ASIC2: variants seen among roughly 807,000 people sequenced by gnomAD.
ASIC2 encodes the protein acid sensing ion channel subunit 2.
ASIC2 carries 25 observed loss-of-function variants against 57.3 expected under a neutral mutation model. The ratio of observed to expected loss-of-function variants is 0.44; its 90% CI spans 0.32 to 0.61. The LOEUF (loss-of-function observed/expected upper bound fraction) is 0.61, where lower values mean the gene tolerates loss of function less well. Among genes scored for constraint, ASIC2 ranks in the 20% least tolerant of loss-of-function variants. ASIC2 has a pLI of 0.06. For missense variants in ASIC2, 641 were observed against 738.1 expected (o/e 0.87, Z 1.52); for synonymous variants, 319 against 307.5 (o/e 1.04, Z -0.39).
At chr17:33,930,846 G>A (rs1017863413) in intron 1 of ASIC2, among the ~76,000 whole-genome samples, 1 of 152,142 alleles carries the variant, frequency 6.6e-6, no homozygotes, top group African/African-American at 2.4e-5. Flanking sequence ...GGGAGAGCCG[G>A]GGCCCAGATT....
At chr17:33,294,282 G>A (rs941604680), upstream of ASIC2, among the ~76,000 whole-genome samples, 1 of 152,204 alleles carries the variant, frequency 6.6e-6, no homozygotes, top group Non-Finnish European at 1.5e-5. Context: ...CCAAGGGTGG[G>A]AGGATGCTCC....
chr17:33,583,513 C>A (rs1035439527), intron 1 of ASIC2, among the ~76,000 whole-genome samples: 1 of 152,182 alleles, frequency 6.6e-6, no homozygotes, highest in African/African-American at 2.4e-5. Flanking sequence ...CATGACCTTC[C>A]TTCCAGAACA....
At position 33,768,487 on chromosome 17, in the gene ASIC2, G is replaced by T. The variant is rs549312697; in HGVS notation, c.555+387491C>A. Among the ~76,000 whole-genome samples the T allele has an allele frequency of 2.0e-5, 3 of 152,292 alleles. No individual in the cohort carries two copies. In the South Asian group the frequency reaches 6.2e-4, roughly 32 times the overall value. ...TATAAATGGGCCTCAAGCTGAGGAG[G>T]TGTGATGGTTTAGAGAGAGGCTGGC... On this transcript the variant is annotated intron_variant, in intron 1 of 9. Coordinates refer to the ASIC2 transcript ENST00000359872.
At chr17:33,576,124 G>C (rs1182468374) in intron 1 of ASIC2, among the ~76,000 whole-genome samples, 1 of 152,150 alleles carries the variant, frequency 6.6e-6, no homozygotes, top group East Asian at 1.9e-4. Flanking sequence ...TTAGAAGTCC[G>C]CCTAGACCAG....
intron 1 of ASIC2, among the ~76,000 whole-genome samples, chr17:33,466,447 G>A (rs188396306): frequency 3.3e-5 from 5 of 151,964 alleles, no homozygotes; most frequent in East Asian, 1.9e-4. Flanking sequence ...TGCCATCCCC[G>A]TCAAGCCACC....
At chr17:33,509,260 G>C (rs988118842) in intron 1 of ASIC2, among the ~76,000 whole-genome samples, 54 of 152,112 alleles carry the variant, frequency 3.6e-4, no homozygotes, top group Non-Finnish European at 1.9e-4. Context: ...GTAGGTAATG[G>C]GGACCATTTA....
At chr17:33,948,843 G>A (rs772101810) in intron 1 of ASIC2, among the ~76,000 whole-genome samples, 5 of 152,228 alleles carry the variant, frequency 3.3e-5, no homozygotes, top group African/African-American at 7.2e-5. Flanking sequence ...GGAGGATGAA[G>A]AAGAAGGCAA....
At chr17:33,799,411 CTT>C in intron 1 of ASIC2, among the ~76,000 whole-genome samples, 1 of 61,242 alleles carries the variant, frequency 1.6e-5, no homozygotes, top group South Asian at 4.4e-4. Flanking sequence ...TCTTTTCTTT[CTT>C]TCTTTCTTTC....
chr17:33,059,133 G>A (rs1358148930), intron 3 of ASIC2, among the ~76,000 whole-genome samples: 1 of 151,988 alleles, frequency 6.6e-6, no homozygotes, highest in East Asian at 1.9e-4. Flanking sequence ...CTGTTTTGAA[G>A]TATTAAACTC....
At chr17:33,043,022 G>A (rs1039019377) in intron 3 of ASIC2, among the ~76,000 whole-genome samples, 1 of 150,836 alleles carries the variant, frequency 6.6e-6, no homozygotes, top group Non-Finnish European at 1.5e-5. Context: ...CGCCTCCCAG[G>A]TTCATGCCAT....
chr17:33,865,774 A>AAC (rs1567739121), intron 1 of ASIC2, among the ~76,000 whole-genome samples: 100 of 94,400 alleles, frequency 1.1e-3, no homozygotes, highest in Non-Finnish European at 1.7e-3. Context: ...AAAAAAAACA[A>AAC]AAAAAAAAAC....
chr17:34,077,846 C>T (rs752298806), intron 1 of ASIC2, among the ~76,000 whole-genome samples: 20 of 152,158 alleles, frequency 1.3e-4, no homozygotes, highest in Non-Finnish European at 2.8e-4. Flanking sequence ...GGCCACATCA[C>T]AGCCGAAAAG....
chr17:33,097,959 G>T (rs2092190439), intron 2 of ASIC2, among the ~76,000 whole-genome samples: 1 of 152,152 alleles, frequency 6.6e-6, no homozygotes, highest in South Asian at 2.1e-4. Context: ...GAAAACACGG[G>T]CTCTGAAATC....
At chr17:33,585,019 C>T (rs1019736951) in intron 1 of ASIC2, among the ~76,000 whole-genome samples, 1 of 152,154 alleles carries the variant, frequency 6.6e-6, no homozygotes. Flanking sequence ...TTTTGGGGCC[C>T]TCACTTGCCA....
chr17:34,144,351 C>T (rs960950499), intron 1 of ASIC2, among the ~76,000 whole-genome samples: 1 of 152,108 alleles, frequency 6.6e-6, no homozygotes, highest in Non-Finnish European at 1.5e-5. Context: ...GTAGCTTAGG[C>T]TCAACTATAA....
At position 33,880,432 on chromosome 17, in the gene ASIC2, C is replaced by T. The variant is rs369812652; in HGVS notation, c.555+275546G>A. Among the ~76,000 whole-genome samples, 14 of 152,306 alleles carry T rather than the reference C, an allele frequency of 9.2e-5. No homozygotes were observed. In the South Asian group the frequency reaches 2.5e-3, roughly 27 times the overall value. ...AAAAATAATAAAGGGGATATCACCACTGATCCCGCAGAAATATAAACTACC... is the reference window on the plus strand; with the variant it reads ...AAAAATAATAAAGGGGATATCACCATTGATCCCGCAGAAATATAAACTACC... On this transcript the variant is annotated intron_variant, in intron 1 of 9. Coordinates refer to the ASIC2 transcript ENST00000359872.
intron 1 of ASIC2, among the ~76,000 whole-genome samples, chr17:34,088,241 G>A (rs897972368): frequency 2.6e-5 from 4 of 152,322 alleles, no homozygotes; most frequent in African/African-American, 9.6e-5. Flanking sequence ...CTTTCTGTTT[G>A]TTAGTTTTCC....
intron 1 of ASIC2, among the ~76,000 whole-genome samples, chr17:33,387,592 C>G (rs866036709): frequency 6.6e-6 from 1 of 152,166 alleles, no homozygotes; most frequent in African/African-American, 2.4e-5. Context: ...TCCGCTGCCC[C>G]GAAACAAATC....
chr17:33,706,363 G>C (rs1179307509), intron 1 of ASIC2, among the ~76,000 whole-genome samples: 2 of 151,750 alleles, frequency 1.3e-5, no homozygotes, highest in Non-Finnish European at 2.9e-5. Context: ...GGGACTGCAG[G>C]TATGTGCCAC....
Sources: gnomAD v4.1 joint callset for allele counts (sites outside exome capture counted in the v4.1 genomes callset) on GRCh38, gnomAD v4.1.1 for gene constraint, MANE v1.5 for transcripts, NCBI Gene and HGNC (gene_info 2026-07-23, HGNC 2026-07-21) for gene names.